The following PTPRQ variants were observed in gnomAD, a reference collection of about 807,000 sequenced individuals.
The protein encoded by PTPRQ is protein tyrosine phosphatase receptor type Q.
PTPRQ carries 199 observed loss-of-function variants against 246.0 expected under a neutral mutation model. That is an observed-to-expected ratio of 0.81 (90% CI 0.72 to 0.91). PTPRQ has a LOEUF of 0.91. PTPRQ is among the 40% of genes least tolerant of loss of function. The probability of loss-of-function intolerance (pLI) is 0.00; values close to 1 mark genes in which losing one functional copy is unlikely to be tolerated. For synonymous variants in PTPRQ, 869 were observed against 853.2 expected (o/e 1.02, Z -0.32); for missense variants, 2,624 against 2,528.4 (o/e 1.04, Z -0.81).
intron 29 of PTPRQ, 101 bp from the exon 30 acceptor site, chr12:80,616,099 A>C: frequency 1.6e-6 from 1 of 607,638 alleles, no homozygotes; most frequent in South Asian, 6.4e-5. Flanking sequence ...ATATATAACT[A>C]TATATATACA....
chr12:80,556,321 G>A (rs1486924456), intron 25 of PTPRQ, among the ~76,000 whole-genome samples: 1 of 152,178 alleles, frequency 6.6e-6, no homozygotes, highest in Admixed American at 6.5e-5. Context: ...GAGCCACCAT[G>A]CCTGGCCTTG....
At chr12:80,450,676 A>T (rs1357371186) in intron 3 of PTPRQ, among the ~76,000 whole-genome samples, 1 of 152,202 alleles carries the variant, frequency 6.6e-6, no homozygotes, top group Admixed American at 6.5e-5. Context: ...GTGCTAGATT[A>T]CATTTATTGA....
At chr12:80,655,456 G>A (rs960026139) in intron 38 of PTPRQ, among the ~76,000 whole-genome samples, 1 of 151,966 alleles carries the variant, frequency 6.6e-6, no homozygotes, top group African/African-American at 2.4e-5. Flanking sequence ...TAATTCATAG[G>A]CATTTAGGCT....
intron 12 of PTPRQ, 43 bp from the exon 13 acceptor site, chr12:80,495,956 A>T (rs1894605689): frequency 2.0e-6 from 3 of 1,529,684 alleles, no homozygotes; most frequent in Non-Finnish European, 2.6e-6. Context: ...TCCCAAGAGT[A>T]TTATTTTAAG....
chr12:80,594,273 A>T (rs1024077148), intron 26 of PTPRQ, among the ~76,000 whole-genome samples: 2 of 152,200 alleles, frequency 1.3e-5, no homozygotes, highest in Admixed American at 6.5e-5. Flanking sequence ...AAGCAATTAT[A>T]TAATGGTAAG....
At chr12:80,553,037 TC>T (rs1353093101) in intron 25 of PTPRQ, among the ~76,000 whole-genome samples, 1 of 152,080 alleles carries the variant, frequency 6.6e-6, no homozygotes, top group East Asian at 1.9e-4. Flanking sequence ...CTTTATTTAC[TC>T]ACAGTTCTAA....
chr12:80,508,266 T>C (rs1490549189), intron 16 of PTPRQ, among the ~76,000 whole-genome samples: 1 of 152,048 alleles, frequency 6.6e-6, no homozygotes, highest in Admixed American at 6.6e-5. Context: ...TCTTTGGGAA[T>C]TAGGAACTCC....
At chr12:80,662,456 A>T (rs1900662814) in intron 39 of PTPRQ, among the ~76,000 whole-genome samples, 1 of 151,976 alleles carries the variant, frequency 6.6e-6, no homozygotes. Context: ...AATGGACCTG[A>T]GTTCAAATTC....
intron 20 of PTPRQ, 76 bp downstream of exon 20, chr12:80,540,020 T>C: frequency 2.4e-6 from 3 of 1,235,168 alleles, no homozygotes; most frequent in African/African-American, 3.1e-5. Flanking sequence ...TACTATTTGT[T>C]TGAATTTGTA....
intron 25 of PTPRQ, among the ~76,000 whole-genome samples, chr12:80,581,703 G>A (rs576637904): frequency 6.6e-6 from 1 of 151,642 alleles, no homozygotes; most frequent in African/African-American, 2.4e-5. Flanking sequence ...ACAAATAACA[G>A]ATTTGGAAAA....
intron 9 of PTPRQ, among the ~76,000 whole-genome samples, chr12:80,488,065 TG>T (rs751552136): frequency 9.2e-5 from 14 of 151,810 alleles, no homozygotes; most frequent in Non-Finnish European, 1.3e-4. Context: ...TGCTGGCTCT[TG>T]GCTGGAGAAT....
chr12:80,480,524 A>G (rs1277533691), intron 8 of PTPRQ, among the ~76,000 whole-genome samples: 3 of 145,986 alleles, frequency 2.1e-5, no homozygotes, highest in African/African-American at 7.6e-5. Flanking sequence ...AACTAAAATC[A>G]GAGCAGAACT....
At chr12:80,611,104 T>C (rs1024493728) in intron 28 of PTPRQ, among the ~76,000 whole-genome samples, 3 of 150,452 alleles carry the variant, frequency 2.0e-5, no homozygotes, top group Admixed American at 1.3e-4. Context: ...TGTCTTCCCT[T>C]AGTCAAGTAA....
At chr12:80,491,667 T>C (rs536561492) in intron 9 of PTPRQ, among the ~76,000 whole-genome samples, 48 of 152,106 alleles carry the variant, frequency 3.2e-4, no homozygotes, top group Admixed American at 2.0e-3. Flanking sequence ...ATTTCTCCAT[T>C]CTTTTATCTT....
intron 39 of PTPRQ, among the ~76,000 whole-genome samples, chr12:80,664,042 G>A (rs1047957212): frequency 1.3e-5 from 2 of 150,962 alleles, no homozygotes; most frequent in African/African-American, 2.4e-5. Context: ...TTATAGTCTC[G>A]ACCTTTTGAT....
At chr12:80,549,322 T>C in intron 24 of PTPRQ, 143 bp from the exon 25 acceptor site, 1 of 1,064,588 alleles carries the variant, frequency 9.4e-7, no homozygotes. Context: ...TGTTAATGAC[T>C]TTTTAAGCAC....
chr12:80,491,614 T>C (rs1177964183), intron 9 of PTPRQ, among the ~76,000 whole-genome samples: 3 of 151,976 alleles, frequency 2.0e-5, no homozygotes, highest in Admixed American at 1.3e-4. Flanking sequence ...ATTTAGACAA[T>C]TGCATTTTGT....
chr12:80,657,996 A>G lies in PTPRQ; in HGVS notation c.6127A>G (p.Arg2043Gly). Residue 2043 changes from arginine to glycine, a missense_variant, in exon 39 of 45, where the codon AGA becomes GGA. Physicochemically the swap from Arg to Gly is moderately radical, Grantham distance 125. Coordinates refer to ENST00000644991, the MANE Select transcript of PTPRQ (RefSeq NM_001145026.2). ...ATATTTTCTTCTAGATAATAATAAC[A>G]GAGTAAAGCTGATAGCTGACGCTAG... Reference protein sequence around the residue: ...FPNIKPYNNNRVKLIADASVP... With the variant: ...FPNIKPYNNNGVKLIADASVP... The G allele has an allele frequency of 1.4e-6, 2 of 1,421,918 alleles. No homozygotes were observed. The highest frequency in any genetic ancestry group is 1.8e-6 in the Non-Finnish European group (2 of 1,087,326). The allele number at this position is 1,421,918 out of a possible 1,614,324, so 88.1% of individuals were successfully genotyped here.
chr12:80,578,926 A>G (rs1897351842), intron 25 of PTPRQ, among the ~76,000 whole-genome samples: 1 of 152,118 alleles, frequency 6.6e-6, no homozygotes, highest in Non-Finnish European at 1.5e-5. Flanking sequence ...AAAGAGCCAA[A>G]TTTATAATTT....
Sources: gnomAD v4.1 joint callset for allele counts (sites outside exome capture counted in the v4.1 genomes callset) on GRCh38, gnomAD v4.1.1 for gene constraint, MANE v1.5 for transcripts, NCBI Gene and HGNC (gene_info 2026-07-23, HGNC 2026-07-21) for gene names.